PKIB: variants seen among roughly 807,000 people sequenced by gnomAD.
PKIB encodes the protein cAMP-dependent protein kinase inhibitor beta.
Under a neutral mutation model 4.5 loss-of-function variants are expected in PKIB, and 2 were observed. The ratio of observed to expected loss-of-function variants is 0.44; its 90% confidence interval spans 0.18 to 1.39. PKIB has a LOEUF of 1.39. Among genes scored for constraint, PKIB ranks in the 40% most tolerant of loss-of-function variants. The pLI is 0.27. For missense variants in PKIB, 94 were observed against 92.6 expected, an observed-to-expected ratio of 1.02 and a Z score of -0.06; for synonymous variants, 38 against 36.0, an observed-to-expected ratio of 1.06 and a Z score of -0.20.
At chr6:122,492,701 A>T (rs1420890076) in intron 2 of PKIB, among the ~76,000 whole-genome samples, 1 of 151,816 alleles carries the variant, frequency 6.6e-6, no homozygotes, top group Non-Finnish European at 1.5e-5. Flanking sequence ...TCTGTAAAGT[A>T]ATTTAAGCAT....
At chr6:122,606,682 TGA>T (rs1299999370), upstream of PKIB, among the ~76,000 whole-genome samples, 11 of 152,214 alleles carry the variant, frequency 7.2e-5, no homozygotes, top group East Asian at 2.1e-3. Flanking sequence ...TCCAGAATTG[TGA>T]GAGAATAAAT....
At chr6:122,591,865 G>T (rs1378104512) in intron 3 of PKIB, among the ~76,000 whole-genome samples, 1 of 147,704 alleles carries the variant, frequency 6.8e-6, no homozygotes, top group Non-Finnish European at 1.5e-5. Flanking sequence ...AATTACATGA[G>T]TGTGTCACTG....
At chr6:122,561,305 T>C (rs1773005482) in intron 2 of PKIB, among the ~76,000 whole-genome samples, 1 of 152,162 alleles carries the variant, frequency 6.6e-6, no homozygotes, top group Non-Finnish European at 1.5e-5. Context: ...GACCCAATGC[T>C]CATTCAGGAG....
chr6:122,682,180 G>A (rs975304342), intron 3 of PKIB, among the ~76,000 whole-genome samples: 14 of 151,866 alleles, frequency 9.2e-5, no homozygotes, highest in East Asian at 5.8e-4. Context: ...CTAAATGGAA[G>A]AAGTGGGGAG....
At position 122,593,232 on chromosome 6, in the gene PKIB, C is replaced by T. The variant is rs753198518; in HGVS notation, c.-161+7225C>T. On this transcript the variant is annotated intron_variant, in intron 3 of 6. Transcript: ENST00000392491. ...TTCTTTATGTACCTGTGCTTTTTAA[C>T]TTTCTTTATTTTGGATGCTCCAGAT... 5.9e-5 allele frequency among the ~76,000 whole-genome samples: 9 copies of T among 152,312 alleles called. No homozygotes were observed. The South Asian group carries it at 1.9e-3, about 32-fold the overall frequency.
At position 122,533,965 on chromosome 6, in the gene PKIB, A is replaced by G. The variant is rs1225513272; in HGVS notation, c.-247-51956A>G. On this transcript the variant is annotated intron_variant, in intron 2 of 6. Transcript: ENST00000392491. ...TCCTCTCTGTCTTTCTTTTATGCTT[A>G]TCACATCTTGTATTTTGGAAACTTC... Among the ~76,000 whole-genome samples, 8 of 151,890 alleles carry G rather than the reference A, an allele frequency of 5.3e-5. No homozygotes were observed. The East Asian group carries it at 1.5e-3, about 29-fold the overall frequency.
chr6:122,544,287 G>C (rs1271475421), intron 2 of PKIB, among the ~76,000 whole-genome samples: 1 of 151,710 alleles, frequency 6.6e-6, no homozygotes, highest in Non-Finnish European at 1.5e-5. Context: ...ACTTTTGTAT[G>C]ATATATACAT....
chr6:122,626,073 T>TATAGATAGATAGATAGATAGATAG lies in PKIB; in HGVS notation c.-160-7208_-160-7185dup, dbSNP rs61494727. On this transcript the variant is annotated intron_variant, in intron 1 of 4. Coordinates refer to ENST00000368452, the MANE Select transcript of PKIB (RefSeq NM_181795.3). ...GACAGAGAGAGATCCAATTTCAAAA[T>TATAGATAGATAGATAGATAGATAG]ATAGATAGATAGATAGATAGATAGA... 8.9e-4 allele frequency among the ~76,000 whole-genome samples: 135 copies of TATAGATAGATAGATAGATAGATAG among 151,094 alleles called. 2 individuals carry two copies. The East Asian group carries it at 0.018, about 21-fold the overall frequency.
rs528222164 is a variant in PKIB at position 122,506,255 on chromosome 6, G to T, written c.-248+28316G>T. Among the ~76,000 whole-genome samples, 5 of 152,166 alleles carry T rather than the reference G, an allele frequency of 3.3e-5. No homozygotes were observed. In the South Asian group the frequency reaches 1.0e-3, roughly 32 times the overall value. On this transcript the variant is annotated intron_variant, in intron 2 of 6. Transcript: ENST00000392491. Reference sequence around the variant, plus strand: ...TTGACAAGTAATAGTTTGATAATTAGGTCGAATATTAATATTTTCAAACAT... The same window carrying T: ...TTGACAAGTAATAGTTTGATAATTATGTCGAATATTAATATTTTCAAACAT...
chr6:122,712,156 T>C (rs530947967), intron 3 of PKIB, among the ~76,000 whole-genome samples: 1 of 152,330 alleles, frequency 6.6e-6, no homozygotes, highest in South Asian at 2.1e-4. Flanking sequence ...TGGGTAATTT[T>C]ACTTTATTTC....
chr6:122,718,145 A>G (rs948911427), intron 4 of PKIB, among the ~76,000 whole-genome samples, 182 bp downstream of exon 4: 4 of 152,164 alleles, frequency 2.6e-5, no homozygotes, highest in African/African-American at 9.7e-5. Flanking sequence ...AGAATATTTC[A>G]TCTTTTTTCT....
chr6:122,709,502 A>G (rs979247495), intron 3 of PKIB, among the ~76,000 whole-genome samples: 5 of 152,108 alleles, frequency 3.3e-5, no homozygotes, highest in Admixed American at 6.6e-5. Context: ...TTTTTAATTA[A>G]AAACAGTTTA....
intron 2 of PKIB, among the ~76,000 whole-genome samples, chr6:122,557,434 A>G (rs1772879043): frequency 6.6e-6 from 1 of 152,148 alleles, no homozygotes; most frequent in African/African-American, 2.4e-5. Flanking sequence ...GTTCTGTGTC[A>G]ACTTGGTTAA....
intron 2 of PKIB, among the ~76,000 whole-genome samples, chr6:122,561,171 C>T (rs536355752): frequency 2.7e-4 from 41 of 151,832 alleles, no homozygotes; most frequent in African/African-American, 9.4e-4. Context: ...TTGATGTAGG[C>T]GCTTAGGGCT....
At chr6:122,658,956 C>A (rs530668665) in intron 2 of PKIB, among the ~76,000 whole-genome samples, 1 of 151,492 alleles carries the variant, frequency 6.6e-6, no homozygotes, top group East Asian at 1.9e-4. Context: ...ATGGAACACC[C>A]ATTTTTAAAA....
intron 1 of PKIB, among the ~76,000 whole-genome samples, chr6:122,621,281 G>T (rs1775217117): frequency 1.3e-5 from 2 of 152,082 alleles, no homozygotes; most frequent in Non-Finnish European, 1.5e-5. Context: ...TTACAATTTT[G>T]CCTAGGAGTA....
At chr6:122,707,551 G>T (rs902893171) in intron 3 of PKIB, among the ~76,000 whole-genome samples, 1 of 152,014 alleles carries the variant, frequency 6.6e-6, no homozygotes, top group East Asian at 1.9e-4. Flanking sequence ...TCCGATTAAA[G>T]AAACATTTAT....
At chr6:122,524,357 C>T (rs930378839) in intron 2 of PKIB, among the ~76,000 whole-genome samples, 1 of 149,806 alleles carries the variant, frequency 6.7e-6, no homozygotes, top group African/African-American at 2.4e-5. Context: ...TCCTCCTCCT[C>T]CTCCTCTTTT....
At chr6:122,618,082 G>C (rs1306995616) in intron 1 of PKIB, among the ~76,000 whole-genome samples, 1 of 152,070 alleles carries the variant, frequency 6.6e-6, no homozygotes, top group Admixed American at 6.6e-5. Flanking sequence ...AGATCATAAG[G>C]ATAGGAAACA....
Sources: gnomAD v4.1 joint callset for allele counts (sites outside exome capture counted in the v4.1 genomes callset) on GRCh38, gnomAD v4.1.1 for gene constraint, MANE v1.5 for transcripts, NCBI Gene and HGNC (gene_info 2026-07-23, HGNC 2026-07-21) for gene names.